The following CDH8 variants were observed in gnomAD, a reference collection of about 807,000 sequenced individuals.
The protein encoded by CDH8 is cadherin 8.
A neutral mutation model predicts 68.1 loss-of-function variants in CDH8; 17 were observed. That is an observed-to-expected ratio of 0.25 (90% CI 0.17 to 0.37). The LOEUF is 0.37. Among genes scored for constraint, CDH8 ranks in the 10% least tolerant of loss-of-function variants. The probability of loss-of-function intolerance (pLI) is 1.00; values close to 1 mark genes in which losing one functional copy is unlikely to be tolerated. For synonymous variants in CDH8, 372 were observed against 365.1 expected (o/e 1.02, Z -0.21); for missense variants, 763 against 999.3 (o/e 0.76, Z 3.19).
intron 4 of CDH8, among the ~76,000 whole-genome samples, chr16:61,838,478 A>G (rs558417743): frequency 6.6e-6 from 1 of 152,262 alleles, no homozygotes; most frequent in Admixed American, 6.5e-5. Context: ...TGTCTCCGCA[A>G]GATTCTCTGC....
rs538067714 is a variant in CDH8, at chr16:62,002,860, T to C, written c.252+18292A>G. Among the ~76,000 whole-genome samples, 7 of 152,294 alleles carry C rather than the reference T, an allele frequency of 4.6e-5. No individual in the cohort carries two copies. The South Asian group carries it at 1.4e-3, about 32-fold the overall frequency. On this transcript the variant is annotated intron_variant, in intron 2 of 11. Transcript: ENST00000577390. ...CGAGGTCAGGAAATCAAGACCATCCTGGCTAACACGGTGAAACCCCGTCTC... is the reference window on the plus strand; with the variant it reads ...CGAGGTCAGGAAATCAAGACCATCCCGGCTAACACGGTGAAACCCCGTCTC...
intron 7 of CDH8, among the ~76,000 whole-genome samples, chr16:61,809,964 T>C (rs1961900110): frequency 6.6e-6 from 1 of 152,216 alleles, no homozygotes. Context: ...TTGCTGCCCT[T>C]GGAGAAAGAC....
chr16:62,009,031 CAAA>C (rs11305570), intron 2 of CDH8, among the ~76,000 whole-genome samples: 31 of 141,022 alleles, frequency 2.2e-4, no homozygotes, highest in African/African-American at 6.5e-4. Flanking sequence ...TATACACACA[CAAA>C]AAAAAAAAAA....
chr16:61,947,438 T>C (rs577795766), intron 2 of CDH8, among the ~76,000 whole-genome samples: 1 of 152,266 alleles, frequency 6.6e-6, no homozygotes, highest in Admixed American at 6.5e-5. Flanking sequence ...ATTCCTATCA[T>C]TTGCCAGAGA....
rs749593588 is a variant in CDH8 at position 62,017,413 on chromosome 16, G to A, written c.252+3739C>T. Reference sequence around the variant, plus strand: ...TATGACTTTCAGGCCGGGCACAGTGGTTCACACCTGTAATCCCAGCATTTT... The same window carrying A: ...TATGACTTTCAGGCCGGGCACAGTGATTCACACCTGTAATCCCAGCATTTT... On this transcript the variant is annotated intron_variant, in intron 2 of 11. Transcript: ENST00000577390. 9.2e-5 allele frequency among the ~76,000 whole-genome samples: 14 copies of A among 152,144 alleles called. 1 individual carries two copies. Among genetic ancestry groups the A allele is most frequent in the Non-Finnish European group, 1.6e-4 (11 of 68,020 alleles).
chr16:61,969,149 C>A (rs562776379), intron 2 of CDH8, among the ~76,000 whole-genome samples: 1 of 152,254 alleles, frequency 6.6e-6, no homozygotes, highest in South Asian at 2.1e-4. Context: ...TATCTCTTTC[C>A]CCTTATATGG....
At chr16:61,914,856 C>T (rs1177680973) in intron 2 of CDH8, among the ~76,000 whole-genome samples, 2 of 152,156 alleles carry the variant, frequency 1.3e-5, no homozygotes, top group East Asian at 3.9e-4. Context: ...GAAACGCAAC[C>T]CAGTCAGACA....
At chr16:61,817,316 AC>A (rs1962098438) in intron 7 of CDH8, among the ~76,000 whole-genome samples, 162 bp downstream of exon 7, 2 of 79,648 alleles carry the variant, frequency 2.5e-5, no homozygotes. Flanking sequence ...TACACACCAC[AC>A]ACACACACAC....
At chr16:61,726,938 GA>G (rs1959390581) in intron 9 of CDH8, 155 bp downstream of exon 9, 13 of 767,302 alleles carry the variant, frequency 1.7e-5, no homozygotes, top group South Asian at 1.9e-5. Flanking sequence ...ATCTGATGGA[GA>G]AAAAAAATTC....
intron 6 of CDH8, 84 bp from the exon 7 acceptor site, chr16:61,817,816 G>C (rs554293511): frequency 7.3e-7 from 1 of 1,373,994 alleles, no homozygotes; most frequent in African/African-American, 1.5e-5. Flanking sequence ...ATGGATGAAA[G>C]TTATGTGCAT....
intron 2 of CDH8, among the ~76,000 whole-genome samples, chr16:61,978,488 G>A (rs1965477824): frequency 6.6e-6 from 1 of 152,144 alleles, no homozygotes; most frequent in Admixed American, 6.5e-5. Context: ...CTAGTCTCCT[G>A]AAATTGAATA....
rs763152698 is a variant in CDH8 at position 61,649,345 on chromosome 16, C to G, written c.*4263G>C. 6.6e-6 allele frequency: 1 copy of G among 151,434 alleles called. No homozygotes were observed. The highest frequency in any genetic ancestry group is 1.5e-5 in the Non-Finnish European group (1 of 67,868). 9.4% of individuals were successfully genotyped at this position (151,434 alleles called of 1,614,324 possible). A position where few individuals can be genotyped will look rare whatever the true frequency, so the allele number is the denominator to read the frequency against. ...CCACAATTTCAATTTGTTGGCAGTG[C>G]GTGAGATTATGAGATGAAAAATTAA... is the stretch of plus-strand genomic sequence containing the variant. On this transcript the variant is annotated 3_prime_UTR_variant, in exon 12 of 12. Transcript: ENST00000577390.
At chr16:61,798,154 T>C (rs928248238) in intron 7 of CDH8, among the ~76,000 whole-genome samples, 1 of 152,206 alleles carries the variant, frequency 6.6e-6, no homozygotes, top group Non-Finnish European at 1.5e-5. Flanking sequence ...AATAGTGCAT[T>C]ATGAGAATTC....
chr16:61,960,085 A>G lies in CDH8; in HGVS notation c.253-58612T>C, dbSNP rs1178045292. On this transcript the variant is annotated intron_variant, in intron 2 of 11. Coordinates refer to ENST00000577390, the MANE Select transcript of CDH8 (RefSeq NM_001796.5). ...TGTGTATACACATACATATATACAT[A>G]TATGTGTGTGTGTATACACATACAT... Among the ~76,000 whole-genome samples the G allele has an allele frequency of 5.1e-4, 12 of 23,758 alleles. 2 individuals are homozygous for G. The highest frequency in any genetic ancestry group is 1.2e-3 in the South Asian group (1 of 834). The allele number at this position is 23,758 out of a possible 152,430, so 15.6% of individuals were successfully genotyped here. A position where few individuals can be genotyped will look rare whatever the true frequency, so the allele number is the denominator to read the frequency against.
intron 7 of CDH8, among the ~76,000 whole-genome samples, chr16:61,804,874 G>A (rs370833462): frequency 1.8e-5 from 1 of 55,350 alleles, no homozygotes; most frequent in Non-Finnish European, 3.1e-5. Flanking sequence ...ATTCACAGCC[G>A]AATTCTACCA....
chr16:62,009,229 G>A (rs973066152), intron 2 of CDH8, among the ~76,000 whole-genome samples: 26 of 152,120 alleles, frequency 1.7e-4, no homozygotes, highest in Admixed American at 7.9e-4. Flanking sequence ...TATTCTTAGT[G>A]GCCAAGGTGC....
At chr16:61,916,799 T>C (rs1964245627) in intron 2 of CDH8, among the ~76,000 whole-genome samples, 1 of 152,030 alleles carries the variant, frequency 6.6e-6, no homozygotes, top group Admixed American at 6.6e-5. Flanking sequence ...TATTGGTGCA[T>C]TTGAGGAGAG....
intron 2 of CDH8, among the ~76,000 whole-genome samples, chr16:61,992,539 T>C (rs183822416): frequency 4.0e-5 from 6 of 151,622 alleles, no homozygotes; most frequent in Middle Eastern, 3.4e-3. Context: ...CATGTATACA[T>C]ATGTAACTAA....
intron 2 of CDH8, among the ~76,000 whole-genome samples, chr16:61,955,856 T>C (rs1186833350): frequency 6.6e-6 from 1 of 152,180 alleles, no homozygotes; most frequent in Non-Finnish European, 1.5e-5. Context: ...TGCTGGGATA[T>C]TCTTAATCAG....
Sources: allele counts gnomAD v4.1 joint callset (sites outside exome capture counted in the v4.1 genomes callset), GRCh38; gene constraint gnomAD v4.1.1; transcripts MANE v1.5; gene names NCBI Gene and HGNC (gene_info 2026-07-23, HGNC 2026-07-21).